CTNNA3: variants seen among roughly 807,000 people sequenced by gnomAD.
The protein encoded by CTNNA3 is catenin alpha-3.
CTNNA3 carries 76 observed loss-of-function variants against 95.7 expected under a neutral mutation model. The observed-to-expected ratio is 0.79, with a 90% CI of 0.66 to 0.96. The LOEUF (loss-of-function observed/expected upper bound fraction) is 0.96. Ranked by LOEUF, CTNNA3 falls within the 40% of genes least tolerant of loss-of-function variation. CTNNA3 has a pLI of 0.00. For synonymous variants in CTNNA3, 431 were observed against 374.4 expected (o/e 1.15, Z -1.74); for missense variants, 1,191 against 1,089.8 (o/e 1.09, Z -1.31).
At chr10:67,367,351 T>G (rs1843253712) in intron 5 of CTNNA3, among the ~76,000 whole-genome samples, 1 of 151,706 alleles carries the variant, frequency 6.6e-6, no homozygotes, top group Admixed American at 6.6e-5. Flanking sequence ...ACATCATTAA[T>G]CAAAACTATG....
intron 11 of CTNNA3, among the ~76,000 whole-genome samples, chr10:66,439,497 T>C (rs2456667): frequency 0.21 from 31,201 of 152,058 alleles, 3,565 homozygotes; most frequent in Middle Eastern, 0.3. Flanking sequence ...TAGATTTTGG[T>C]TTTCAGATTC....
At chr10:67,237,052 T>G (rs1308991683) in intron 5 of CTNNA3, among the ~76,000 whole-genome samples, 1 of 143,840 alleles carries the variant, frequency 7.0e-6, no homozygotes, top group Non-Finnish European at 1.5e-5. Context: ...AGCAGGACAA[T>G]TCACAATTGG....
intron 7 of CTNNA3, among the ~76,000 whole-genome samples, chr10:66,957,475 A>G (rs1848884801): frequency 7.4e-6 from 1 of 135,628 alleles, no homozygotes; most frequent in African/African-American, 2.7e-5. Flanking sequence ...TATATGTTTG[A>G]TCCTGAAGGA....
At chr10:66,019,358 T>C (rs1415165643) in intron 15 of CTNNA3, among the ~76,000 whole-genome samples, 1 of 152,174 alleles carries the variant, frequency 6.6e-6, no homozygotes, top group Non-Finnish European at 1.5e-5. Flanking sequence ...TAAGTATACA[T>C]AATTTTTAAA....
rs1196036348 is a variant in CTNNA3, at chr10:67,673,156, CTGTT to C, written c.-6+22840_-6+22843del. 8.0e-3 allele frequency among the ~76,000 whole-genome samples: 1,213 copies of C among 151,340 alleles called. 15 individuals carry two copies. Among genetic ancestry groups the C allele is most frequent in the African/African-American group, 0.026 (1,074 of 40,938 alleles). On this transcript the variant is annotated intron_variant, in intron 1 of 17. Coordinates refer to ENST00000433211, the MANE Select transcript of CTNNA3 (RefSeq NM_013266.4). ...GGTAGTTCACTCATGATTTGGCTCT[CTGTT>C]TGTCTGTTATTGGTGTATAAGAATG...
At chr10:66,024,247 G>A (rs1037941696) in intron 15 of CTNNA3, among the ~76,000 whole-genome samples, 3 of 151,868 alleles carry the variant, frequency 2.0e-5, no homozygotes, top group Non-Finnish European at 2.9e-5. Context: ...CCGCCACCAC[G>A]CCCAGCTAAC....
At chr10:67,097,295 T>C (rs1858059227) in intron 7 of CTNNA3, among the ~76,000 whole-genome samples, 1 of 151,934 alleles carries the variant, frequency 6.6e-6, no homozygotes, top group African/African-American at 2.4e-5. Context: ...GCGAAAGCAA[T>C]TTTCTGACTG....
At chr10:66,784,382 A>C (rs1840657989) in intron 7 of CTNNA3, among the ~76,000 whole-genome samples, 1 of 152,158 alleles carries the variant, frequency 6.6e-6, no homozygotes, top group Admixed American at 6.5e-5. Context: ...GCCTATTGAA[A>C]ATATTATTTG....
intron 1 of CTNNA3, among the ~76,000 whole-genome samples, chr10:67,652,631 T>C (rs1175755635): frequency 1.3e-5 from 2 of 152,216 alleles, no homozygotes; most frequent in Admixed American, 6.5e-5. Context: ...TTTGGGCACT[T>C]ACTCTTATAG....
Position 67,755,819 on chromosome 10 carries a change from AAAAG to A in CTNNA3, c.-2+7611_-2+7614del, listed in dbSNP as rs755236317. ...CTCTGCCTCAAAAAAAAAAAAAAAAAAAAGAAAGAAAGAAAGAAAAGAAAATCAA... is the reference window on the plus strand; with the variant it reads ...CTCTGCCTCAAAAAAAAAAAAAAAAAAAAGAAAGAAAGAAAAGAAAATCAA... On this transcript the variant is annotated intron_variant, in intron 1 of 17. Transcript: ENST00000684154. 1.2e-3 allele frequency among the ~76,000 whole-genome samples: 170 copies of A among 145,200 alleles called. 1 individual carries two copies. Among genetic ancestry groups the A allele is most frequent in the Non-Finnish European group, 2.0e-3 (135 of 66,660 alleles).
intron 5 of CTNNA3, among the ~76,000 whole-genome samples, chr10:67,407,743 G>A (rs771292549): frequency 3.9e-5 from 6 of 152,154 alleles, no homozygotes; most frequent in Admixed American, 1.3e-4. Context: ...ATCAATGTGC[G>A]AAAATCACTA....
chr10:66,386,642 A>C (rs943493107), intron 11 of CTNNA3, among the ~76,000 whole-genome samples: 1 of 152,196 alleles, frequency 6.6e-6, no homozygotes, highest in Non-Finnish European at 1.5e-5. Context: ...TTGCCAAGAC[A>C]ATCCTAAGCA....
intron 7 of CTNNA3, among the ~76,000 whole-genome samples, chr10:66,777,794 C>T (rs1396020567): frequency 8.8e-6 from 1 of 114,198 alleles, no homozygotes; most frequent in Non-Finnish European, 2.0e-5. Context: ...CACACACACA[C>T]ACATGCACAC....
intron 17 of CTNNA3, among the ~76,000 whole-genome samples, chr10:65,955,671 T>C (rs1589170171): frequency 6.6e-6 from 1 of 152,120 alleles, no homozygotes; most frequent in Non-Finnish European, 1.5e-5. Flanking sequence ...ATTGGTTCTG[T>C]TTGTGTGATG....
chr10:67,206,379 T>C (rs904847405), intron 6 of CTNNA3, among the ~76,000 whole-genome samples: 10 of 152,186 alleles, frequency 6.6e-5, no homozygotes, highest in African/African-American at 2.4e-4. Flanking sequence ...AAAATTGTTT[T>C]CCTTTGTGAA....
intron 7 of CTNNA3, among the ~76,000 whole-genome samples, chr10:66,974,858 T>A (rs980154678): frequency 1.3e-5 from 2 of 152,136 alleles, no homozygotes; most frequent in African/African-American, 4.8e-5. Flanking sequence ...TTAGTTGAGT[T>A]GTTTTTTCTT....
intron 5 of CTNNA3, among the ~76,000 whole-genome samples, chr10:67,430,231 C>T (rs1033185538): frequency 5.3e-5 from 8 of 151,896 alleles, no homozygotes; most frequent in Non-Finnish European, 1.0e-4. Flanking sequence ...TCACAATTAC[C>T]CAATTCAGCT....
At chr10:66,683,538 A>G (rs713298) in intron 9 of CTNNA3, among the ~76,000 whole-genome samples, 136,664 of 152,198 alleles carry the variant, frequency 0.9, 61,568 homozygotes, top group East Asian at 1. Context: ...CAGTAGTAGC[A>G]AAGTGAACCA....
intron 7 of CTNNA3, among the ~76,000 whole-genome samples, chr10:66,845,716 A>ATAAATAAATAAAT (rs1306765689): frequency 7.9e-6 from 1 of 127,006 alleles, no homozygotes; most frequent in African/African-American, 2.9e-5. Flanking sequence ...AAAAAAAAAA[A>ATAAATAAATAAAT]AAAAAAAAAA....
Sources: allele counts gnomAD v4.1 joint callset (sites outside exome capture counted in the v4.1 genomes callset), GRCh38; gene constraint gnomAD v4.1.1; transcripts MANE v1.5; gene names NCBI Gene and HGNC (gene_info 2026-07-23, HGNC 2026-07-21).